Variants in MPP4 observed in about 807,000 individuals in gnomAD.
MPP4 encodes the protein MAGUK p55 scaffold protein 4, also known as MAGUK p55 subfamily member 4.
A neutral mutation model predicts 98.3 loss-of-function variants in MPP4; 91 were observed. The ratio of observed to expected loss-of-function variants is 0.93; its 90% confidence interval spans 0.78 to 1.10. The LOEUF (loss-of-function observed/expected upper bound fraction) is 1.10, where lower values mean the gene tolerates loss of function less well. MPP4 is among the 50% of genes least tolerant of loss of function. MPP4 has a pLI of 0.00. For synonymous variants in MPP4, 261 were observed against 271.8 expected (o/e 0.96, Z 0.39); for missense variants, 744 against 792.9 (o/e 0.94, Z 0.74).
At chr2:201,671,547 T>G (rs934148854) in intron 11 of MPP4, among the ~76,000 whole-genome samples, 1 of 151,852 alleles carries the variant, frequency 6.6e-6, no homozygotes, top group Non-Finnish European at 1.5e-5. Flanking sequence ...AATAAAGGGA[T>G]GGAGGAATAT....
At chr2:201,695,897 A>G (rs12618702) in intron 1 of MPP4, among the ~76,000 whole-genome samples, 25,242 of 152,132 alleles carry the variant, frequency 0.17, 2,361 homozygotes, top group South Asian at 0.37. Flanking sequence ...TTATAGTAGG[A>G]CAATAAAGAA....
intron 20 of MPP4, among the ~76,000 whole-genome samples, chr2:201,649,042 T>C (rs4675211): frequency 0.54 from 82,332 of 151,958 alleles, 22,574 homozygotes; most frequent in East Asian, 0.68. Context: ...CTAGTCTGGA[T>C]GACAGAGCAG....
chr2:201,654,767 T>C, intron 18 of MPP4, 70 bp downstream of exon 18: 1 of 1,023,200 alleles, frequency 9.8e-7, no homozygotes. Context: ...TGGAATGACA[T>C]AGTTAAATGA....
At chr2:201,661,067 T>C (rs1202508721) in intron 14 of MPP4, among the ~76,000 whole-genome samples, 2 of 152,076 alleles carry the variant, frequency 1.3e-5, no homozygotes, top group East Asian at 3.9e-4. Flanking sequence ...ATTATAGGCA[T>C]GAGCCACCAC....
At chr2:201,677,365 C>A (rs951210761) in intron 10 of MPP4, among the ~76,000 whole-genome samples, 1 of 152,204 alleles carries the variant, frequency 6.6e-6, no homozygotes, top group Non-Finnish European at 1.5e-5. Context: ...AAACCATCAA[C>A]ATCTAACTCC....
In MPP4 at chr2:201,690,235, A is replaced by G; in HGVS notation, c.246T>C (p.Pro82=). 1.2e-6 allele frequency: 2 copies of G among 1,610,216 alleles called. No homozygotes were observed. Among genetic ancestry groups the G allele is most frequent in the South Asian group, 2.2e-5 (2 of 89,780 alleles). The change falls in exon 4 of 22, where the codon CCT becomes CCC. Residue 82 remains proline, a synonymous_variant. Coordinates refer to ENST00000409474, the MANE Select transcript of MPP4 (RefSeq NM_033066.3). ...LQEFKEKKLV[P]ATPHAQVLSY... ...ATAACACCTGTGCATGTGGTGTGGC[A>G]GGAACTAGTTTCTTTTCTTTAAATT...
At chr2:201,665,753 T>A (rs1293629012) in intron 13 of MPP4, 1 of 152,194 alleles carries the variant, frequency 6.6e-6, no homozygotes, top group Non-Finnish European at 1.5e-5. Context: ...CAGATTCACC[T>A]GTCAGACTAA....
At chr2:201,647,297 C>T (rs1687590553) in intron 21 of MPP4, among the ~76,000 whole-genome samples, 1 of 151,922 alleles carries the variant, frequency 6.6e-6, no homozygotes, top group Non-Finnish European at 1.5e-5. Context: ...CTCATACATG[C>T]CCAATTTCTG....
At chr2:201,676,474 G>A (rs1036393404) in intron 10 of MPP4, among the ~76,000 whole-genome samples, 9 of 152,336 alleles carry the variant, frequency 5.9e-5, no homozygotes, top group Admixed American at 2.0e-4. Flanking sequence ...GGGGCTCAGC[G>A]CATTTGGCAT....
intron 16 of MPP4, 138 bp from the exon 17 acceptor site, chr2:201,656,506 G>A: frequency 2.4e-6 from 2 of 846,354 alleles, no homozygotes; most frequent in Non-Finnish European, 1.7e-6. Flanking sequence ...TTAGAAGATG[G>A]GAAGTAATAT....
chr2:201,667,289 T>C (rs149771330), intron 12 of MPP4, among the ~76,000 whole-genome samples: 1 of 152,344 alleles, frequency 6.6e-6, no homozygotes, highest in Non-Finnish European at 1.5e-5. Flanking sequence ...CAGCCTTTGC[T>C]TACACTGTTC....
chr2:201,648,096 C>G lies in MPP4; in HGVS notation c.1585-271G>C, dbSNP rs145729500. On this transcript the variant is annotated intron_variant, in intron 20 of 21. Coordinates refer to ENST00000409474, the MANE Select transcript of MPP4 (RefSeq NM_033066.3). Reference sequence around the variant, plus strand: ...GGAGCGCAGGGGTGGGATCTCTGCTCACTGCAACTACCGCCTTCCCAGTTC... The same window carrying G: ...GGAGCGCAGGGGTGGGATCTCTGCTGACTGCAACTACCGCCTTCCCAGTTC... 3.5e-3 allele frequency among the ~76,000 whole-genome samples: 529 copies of G among 152,320 alleles called. 14 individuals are homozygous for G. The highest frequency in any genetic ancestry group is 6.6e-4 in the Non-Finnish European group (45 of 68,026).
At chr2:201,654,615 T>TATA (rs1687805668) in intron 18 of MPP4, among the ~76,000 whole-genome samples, 1 of 152,124 alleles carries the variant, frequency 6.6e-6, no homozygotes, top group South Asian at 2.1e-4. Flanking sequence ...AAACTTAAAA[T>TATA]ATAATAATAA....
rs140297939 is a variant in MPP4, at chr2:201,668,131, A to G, written c.1012+1602T>C. Among the ~76,000 whole-genome samples, 146 of 152,264 alleles carry G rather than the reference A, an allele frequency of 9.6e-4. 2 individuals are homozygous for G. The East Asian group carries it at 0.023, about 24-fold the overall frequency. ...TATTTTACAGAGGAAGGTACAAAAA[A>G]CCAGGCATGATTATCTAGTAACAGC... On this transcript the variant is annotated intron_variant, in intron 12 of 21. Transcript: ENST00000409474.
At chr2:201,645,432 A>C (rs373812146) in intron 21 of MPP4, 28 bp from the exon 22 acceptor site, 1 of 1,567,724 alleles carries the variant, frequency 6.4e-7, no homozygotes, top group Middle Eastern at 1.7e-4. Context: ...AAATATGGAT[A>C]GTACAGACTT....
chr2:201,680,924 C>T lies in MPP4; in HGVS notation c.843G>A (p.Gln281=). ...QKGDILQIVD[Q]NDALWWQARK... ...GGGCCTGCCACCAGAGGGCATCATT[C>T]TGGTCCACAATCTGGAGGATGTCCC... Residue 281 remains glutamine (Q), a synonymous_variant, in exon 10 of 22, where the codon CAG becomes CAA. Transcript: ENST00000409474. 1 of 1,613,900 alleles carries T rather than the reference C, an allele frequency of 6.2e-7. No homozygotes were observed. Among genetic ancestry groups the T allele is most frequent in the South Asian group, 1.1e-5 (1 of 91,032 alleles).
At chr2:201,648,897 C>T (rs1687641661) in intron 20 of MPP4, among the ~76,000 whole-genome samples, 1 of 152,078 alleles carries the variant, frequency 6.6e-6, no homozygotes, top group African/African-American at 2.4e-5. Context: ...AACCCTGTCT[C>T]TACTAAAAAT....
At chr2:201,681,143 C>CGTG (rs1688654717) in intron 9 of MPP4, 109 bp from the exon 10 acceptor site, 8 of 1,080,640 alleles carry the variant, frequency 7.4e-6, no homozygotes, top group Non-Finnish European at 1.1e-5. Flanking sequence ...CACTCCTCCA[C>CGTG]CTGCTACTCC....
chr2:201,681,807 G>T (rs1688672920), intron 8 of MPP4, among the ~76,000 whole-genome samples: 1 of 151,714 alleles, frequency 6.6e-6, no homozygotes, highest in African/African-American at 2.4e-5. Context: ...CACTGAAGTG[G>T]CCTCTTCCAG....
Sources: allele counts gnomAD v4.1 joint callset (sites outside exome capture counted in the v4.1 genomes callset), GRCh38; gene constraint gnomAD v4.1.1; transcripts MANE v1.5; gene names NCBI Gene and HGNC (gene_info 2026-07-23, HGNC 2026-07-21).